Variants in SEL1L3 observed in about 807,000 individuals in gnomAD.
SEL1L3 encodes the protein SEL1L family member 3, also known as protein sel-1 homolog 3.
Under a neutral mutation model 142.8 loss-of-function variants are expected in SEL1L3, and 76 were observed. The observed-to-expected ratio is 0.53, with a 90% confidence interval of 0.44 to 0.64. The LOEUF (loss-of-function observed/expected upper bound fraction) is 0.64, where lower values mean the gene tolerates loss of function less well. Ranked by LOEUF, SEL1L3 falls within the 30% of genes least tolerant of loss-of-function variation. SEL1L3 has a pLI of 0.00. For synonymous variants in SEL1L3, 504 were observed against 519.6 expected (o/e 0.97, Z 0.41); for missense variants, 1,262 against 1,381.7 (o/e 0.91, Z 1.37).
intron 2 of SEL1L3, 99 bp from the exon 3 acceptor site, chr4:25,835,422 C>A: frequency 7.6e-7 from 1 of 1,321,418 alleles, no homozygotes; most frequent in Non-Finnish European, 1.1e-6. Flanking sequence ...TCCAATCAAA[C>A]ATTTAAGTGA....
chr4:25,728,693 G>A, the SEL1L3 span, among the ~76,000 whole-genome samples: 26 of 152,098 alleles, frequency 1.7e-4, no homozygotes, highest in East Asian at 3.9e-3. Flanking sequence ...TTGGGAGGCT[G>A]AAGCGGGAGG....
At position 25,808,251 on chromosome 4, in the gene SEL1L3, A is replaced by C. The variant is rs564944434; in HGVS notation, c.1565-3499T>G. The stretch of plus-strand genomic sequence containing the variant: ...AAGAAACAAACAAACAAAATAGAAG[A>C]AGCAGCCATTTTCCCATTTTCTTTC... On this transcript the variant is annotated intron_variant, in intron 9 of 23. Coordinates refer to ENST00000399878, the MANE Select transcript of SEL1L3 (RefSeq NM_015187.5). Among the ~76,000 whole-genome samples the C allele has an allele frequency of 2.4e-4, 36 of 152,350 alleles. 1 individual carries two copies. Among genetic ancestry groups the C allele is most frequent in the African/African-American group, 6.5e-4 (27 of 41,578 alleles).
intron 9 of SEL1L3, among the ~76,000 whole-genome samples, chr4:25,806,094 A>G (rs1358832083): frequency 1.4e-5 from 2 of 143,836 alleles, no homozygotes; most frequent in African/African-American, 2.6e-5. Flanking sequence ...GCTGGAGTGC[A>G]GTGGCGCGAT....
intron 2 of SEL1L3, among the ~76,000 whole-genome samples, chr4:25,843,795 C>T (rs1716324654): frequency 6.6e-6 from 1 of 152,208 alleles, no homozygotes. Flanking sequence ...ACGTCTGCTG[C>T]GTCTCCACCA....
chr4:25,728,448 C>T, the SEL1L3 span, among the ~76,000 whole-genome samples: 12 of 152,256 alleles, frequency 7.9e-5, no homozygotes, highest in South Asian at 2.5e-3. Context: ...TCCTTTCTGT[C>T]TCCCACTGTT....
At chr4:25,768,606 A>T (rs573425518) in intron 17 of SEL1L3, among the ~76,000 whole-genome samples, 36 of 152,276 alleles carry the variant, frequency 2.4e-4, no homozygotes, top group African/African-American at 8.2e-4. Flanking sequence ...ACAATCAGAG[A>T]TATGTGCAAA....
intron 6 of SEL1L3, among the ~76,000 whole-genome samples, chr4:25,825,905 C>T (rs1715066527): frequency 6.6e-6 from 1 of 151,980 alleles, no homozygotes; most frequent in African/African-American, 2.4e-5. Context: ...ATCTCTTGAC[C>T]TCATGATCCG....
chr4:25,777,306 T>C (rs796898323), intron 16 of SEL1L3, among the ~76,000 whole-genome samples: 2 of 152,254 alleles, frequency 1.3e-5, no homozygotes, highest in African/African-American at 4.8e-5. Flanking sequence ...TCTAAATCTA[T>C]GTGATCTAAT....
intron 1 of SEL1L3, among the ~76,000 whole-genome samples, chr4:25,860,216 T>C (rs4692119): frequency 0.013 from 2,054 of 152,302 alleles, 34 homozygotes; most frequent in South Asian, 0.048. Context: ...TATAGCACAA[T>C]GTAAGCTATC....
intron 11 of SEL1L3, among the ~76,000 whole-genome samples, chr4:25,796,082 T>C (rs1372934632): frequency 6.6e-6 from 1 of 152,098 alleles, no homozygotes; most frequent in Non-Finnish European, 1.5e-5. Flanking sequence ...TCCACATCTC[T>C]AGAATGAGCA....
chr4:25,778,637 TGAG>T (rs1291250507), intron 16 of SEL1L3, among the ~76,000 whole-genome samples: 1 of 152,134 alleles, frequency 6.6e-6, no homozygotes, highest in Non-Finnish European at 1.5e-5. Context: ...ATGAGTGAGC[TGAG>T]TAGTGGGAGG....
chr4:25,785,230 A>G (rs531848030), intron 13 of SEL1L3, among the ~76,000 whole-genome samples: 4 of 152,344 alleles, frequency 2.6e-5, no homozygotes, highest in African/African-American at 9.6e-5. Context: ...TTAGCTCTAT[A>G]GTAAATGGAA....
intron 20 of SEL1L3, chr4:25,759,345 G>T: frequency 2.8e-6 from 1 of 353,052 alleles, no homozygotes; most frequent in Non-Finnish European, 5.1e-6. Flanking sequence ...CACTCTCTCA[G>T]AATAGAACTT....
intron 9 of SEL1L3, among the ~76,000 whole-genome samples, chr4:25,806,992 G>T (rs920377604): frequency 1.3e-5 from 2 of 151,916 alleles, no homozygotes; most frequent in Admixed American, 6.6e-5. Context: ...CTCTTCCTTC[G>T]TATATACAAT....
intron 1 of SEL1L3, among the ~76,000 whole-genome samples, chr4:25,851,524 T>A (rs1455345968): frequency 6.6e-6 from 1 of 152,128 alleles, no homozygotes; most frequent in Non-Finnish European, 1.5e-5. Context: ...GCACTGTATA[T>A]CCTTCCCTAA....
In SEL1L3 at chr4:25,763,673, C is replaced by T. The variant is rs537241650; in HGVS notation, c.2955+1653G>A. 8.5e-5 allele frequency among the ~76,000 whole-genome samples: 13 copies of T among 152,274 alleles called. No individual in the cohort carries two copies. The East Asian group carries it at 1.4e-3, about 16-fold the overall frequency. ...GCCCAGCCTGGGCAACATGGCAAAACCCCATCTCTACAAAAACTACAAAAA... is the reference window on the plus strand; with the variant it reads ...GCCCAGCCTGGGCAACATGGCAAAATCCCATCTCTACAAAAACTACAAAAA... On this transcript the variant is annotated intron_variant, in intron 20 of 23. Transcript: ENST00000399878.
intron 1 of SEL1L3, among the ~76,000 whole-genome samples, chr4:25,848,730 TTGG>T (rs1716702737): frequency 6.6e-6 from 1 of 152,100 alleles, no homozygotes; most frequent in Non-Finnish European, 1.5e-5. Flanking sequence ...ATAACAAGTG[TTGG>T]TGAAGATGTG....
At chr4:25,784,750 A>T (rs1175332962) in intron 13 of SEL1L3, among the ~76,000 whole-genome samples, 7 of 152,244 alleles carry the variant, frequency 4.6e-5, no homozygotes, top group Non-Finnish European at 8.8e-5. Flanking sequence ...GTTGCTTCAG[A>T]ATCAGCTCAA....
chr4:25,749,236 A>C (rs1717433459), intron 23 of SEL1L3, among the ~76,000 whole-genome samples: 1 of 152,138 alleles, frequency 6.6e-6, no homozygotes, highest in Non-Finnish European at 1.5e-5. Context: ...CTTGAAACCC[A>C]CTTTGATCCT....
Sources: gnomAD v4.1 joint callset for allele counts (sites outside exome capture counted in the v4.1 genomes callset) on GRCh38, gnomAD v4.1.1 for gene constraint, MANE v1.5 for transcripts, NCBI Gene and HGNC (gene_info 2026-07-23, HGNC 2026-07-21) for gene names.